The following KCND2 variants were observed in gnomAD, a reference collection of about 807,000 sequenced individuals.
KCND2 encodes potassium voltage-gated channel subfamily D member 2.
Under a neutral mutation model 54.4 loss-of-function variants are expected in KCND2, and 16 were observed. The ratio of observed to expected loss-of-function variants is 0.29; its 90% confidence interval spans 0.20 to 0.45. The LOEUF is 0.45. Among genes scored for constraint, KCND2 ranks in the 20% least tolerant of loss-of-function variants. The pLI is 1.00. For missense variants in KCND2, 486 were observed against 824.2 expected (o/e 0.59, Z 5.02); for synonymous variants, 317 against 310.7 (o/e 1.02, Z -0.21).
At chr7:120,391,065 C>A (rs193075916) in intron 1 of KCND2, among the ~76,000 whole-genome samples, 1 of 152,194 alleles carries the variant, frequency 6.6e-6, no homozygotes, top group South Asian at 2.1e-4. Flanking sequence ...TCTCCTTCCC[C>A]TTTGCCTCCA....
chr7:120,530,912 G>A (rs538849444), intron 1 of KCND2, among the ~76,000 whole-genome samples: 11 of 151,944 alleles, frequency 7.2e-5, no homozygotes, highest in African/African-American at 2.2e-4. Flanking sequence ...CAGGTTACAC[G>A]ATTCATCATT....
intron 1 of KCND2, among the ~76,000 whole-genome samples, chr7:120,685,221 T>G (rs1278584925): frequency 6.6e-6 from 1 of 152,098 alleles, no homozygotes; most frequent in East Asian, 1.9e-4. Context: ...AAAACAAGAC[T>G]AGGAGAGAGA....
Position 120,459,495 on chromosome 7 carries a change from T to C in KCND2, c.1115+183748T>C, listed in dbSNP as rs754058353. ...TTTGCTTTAGATTTTTCCATAACAT[T>C]ATCACTTTCTAGTCTTTTATATCAT... On this transcript the variant is annotated intron_variant, in intron 1 of 5. Coordinates refer to ENST00000331113, the MANE Select transcript of KCND2 (RefSeq NM_012281.3). Among the ~76,000 whole-genome samples, 6 of 152,310 alleles carry C rather than the reference T, an allele frequency of 3.9e-5. No homozygotes were observed. In the South Asian group the frequency reaches 1.2e-3, roughly 32 times the overall value.
intron 1 of KCND2, among the ~76,000 whole-genome samples, chr7:120,356,626 A>G (rs1044394190): frequency 4.6e-5 from 7 of 152,092 alleles, no homozygotes; most frequent in African/African-American, 1.7e-4. Flanking sequence ...GGGAAGCCAT[A>G]ATATTAGATA....
chr7:120,726,266 T>C (rs1584897772), intron 1 of KCND2, among the ~76,000 whole-genome samples: 1 of 152,198 alleles, frequency 6.6e-6, no homozygotes, highest in South Asian at 2.1e-4. Context: ...TATTGTGAAG[T>C]AATACCAGGG....
At chr7:120,464,262 A>G in intron 1 of KCND2, among the ~76,000 whole-genome samples, 1 of 151,928 alleles carries the variant, frequency 6.6e-6, no homozygotes, top group Non-Finnish European at 1.5e-5. Flanking sequence ...CCAGAGATCC[A>G]AGACAATAAG....
chr7:120,550,867 T>C (rs1255362094), intron 1 of KCND2, among the ~76,000 whole-genome samples: 1 of 152,168 alleles, frequency 6.6e-6, no homozygotes, highest in Non-Finnish European at 1.5e-5. Context: ...AAGCCGGAAA[T>C]AGCACTTCTC....
chr7:120,558,166 C>G (rs2116405611), intron 1 of KCND2, among the ~76,000 whole-genome samples: 1 of 152,146 alleles, frequency 6.6e-6, no homozygotes, highest in East Asian at 1.9e-4. Flanking sequence ...TTTCATATAG[C>G]TTGAAAATCA....
At chr7:120,285,943 A>G in intron 1 of KCND2, among the ~76,000 whole-genome samples, 1 of 151,912 alleles carries the variant, frequency 6.6e-6, no homozygotes, top group East Asian at 1.9e-4. Flanking sequence ...AATTTAGCAA[A>G]GAACTTTATT....
intron 1 of KCND2, among the ~76,000 whole-genome samples, chr7:120,407,015 G>A (rs73433838): frequency 0.012 from 1,866 of 151,838 alleles, 42 homozygotes; most frequent in African/African-American, 0.042. Context: ...CAGTAAGGGC[G>A]TGAGTGAGAT....
chr7:120,733,665 T>A (rs1460103572), intron 2 of KCND2, among the ~76,000 whole-genome samples: 1 of 152,082 alleles, frequency 6.6e-6, no homozygotes, highest in African/African-American at 2.4e-5. Context: ...CCAAGATGTG[T>A]CTCAGATATT....
At chr7:120,585,896 G>A (rs1792593949) in intron 1 of KCND2, among the ~76,000 whole-genome samples, 2 of 152,052 alleles carry the variant, frequency 1.3e-5, no homozygotes, top group Non-Finnish European at 2.9e-5. Flanking sequence ...TATTCATTTA[G>A]TCCACATTAA....
intron 1 of KCND2, among the ~76,000 whole-genome samples, chr7:120,309,511 GTA>G (rs1366173764): frequency 9.5e-6 from 1 of 105,118 alleles, no homozygotes; most frequent in South Asian, 3.5e-4. Flanking sequence ...ACATATGTAT[GTA>G]TATATATTTA....
At chr7:120,577,859 A>G (rs1792457264) in intron 1 of KCND2, among the ~76,000 whole-genome samples, 1 of 152,178 alleles carries the variant, frequency 6.6e-6, no homozygotes, top group South Asian at 2.1e-4. Flanking sequence ...TGCTGGGATT[A>G]CAGGCGTGAG....
intron 1 of KCND2, among the ~76,000 whole-genome samples, chr7:120,494,736 G>T (rs1802827077): frequency 6.6e-6 from 1 of 152,064 alleles, no homozygotes; most frequent in African/African-American, 2.4e-5. Flanking sequence ...TTGTGTGCAT[G>T]GCATACTATT....
chr7:120,622,431 T>A (rs1793110350), intron 1 of KCND2, among the ~76,000 whole-genome samples: 1 of 152,062 alleles, frequency 6.6e-6, no homozygotes, highest in Non-Finnish European at 1.5e-5. Flanking sequence ...ATCCAAAGAT[T>A]TTTTGCCTAA....
intron 1 of KCND2, among the ~76,000 whole-genome samples, chr7:120,492,301 A>C (rs1316725146): frequency 6.6e-6 from 1 of 152,148 alleles, no homozygotes; most frequent in Admixed American, 6.6e-5. Flanking sequence ...ACTTTTAGAC[A>C]AACTTTTGAG....
intron 1 of KCND2, among the ~76,000 whole-genome samples, chr7:120,711,361 A>G (rs1584892687): frequency 6.6e-6 from 1 of 152,178 alleles, no homozygotes; most frequent in African/African-American, 2.4e-5. Context: ...AGATTAGTAT[A>G]TGCAAAGCAA....
chr7:120,521,230 C>G (rs1482977305), intron 1 of KCND2, among the ~76,000 whole-genome samples: 1 of 151,902 alleles, frequency 6.6e-6, no homozygotes, highest in South Asian at 2.1e-4. Flanking sequence ...TTTAAAATAA[C>G]CTTAAAATGT....
Sources: allele counts gnomAD v4.1 joint callset (sites outside exome capture counted in the v4.1 genomes callset), GRCh38; gene constraint gnomAD v4.1.1; transcripts MANE v1.5; gene names NCBI Gene and HGNC (gene_info 2026-07-23, HGNC 2026-07-21).